The following NFIC variants were observed in gnomAD, a reference collection of about 807,000 sequenced individuals.
NFIC encodes nuclear factor 1 C-type.
NFIC carries 12 observed loss-of-function variants against 54.4 expected under a neutral mutation model. The observed-to-expected ratio is 0.22, with a 90% CI of 0.14 to 0.36. The LOEUF is 0.36. Among genes scored for constraint, NFIC ranks in the 10% least tolerant of loss-of-function variants. The probability of loss-of-function intolerance (pLI) is 1.00; values close to 1 mark genes in which losing one functional copy is unlikely to be tolerated. For missense variants in NFIC, 575 were observed against 718.2 expected, an observed-to-expected ratio of 0.80 and a Z score of 2.28; for synonymous variants, 322 against 319.2, an observed-to-expected ratio of 1.01 and a Z score of -0.09.
At chr19:3,445,480 G>GC (rs2082361736) in intron 6 of NFIC, among the ~76,000 whole-genome samples, 1 of 152,140 alleles carries the variant, frequency 6.6e-6, no homozygotes, top group Non-Finnish European at 1.5e-5. Context: ...CATCCTTCCT[G>GC]CCCCCCATGT....
rs566104836 is a variant in NFIC at position 3,457,729 on chromosome 19, A to G, written c.1509+1094A>G. ...GCCACTGAGGGAGGTTTCCTGCTGC[A>G]GAGCCCACGGGCAAGGGTCACGGGG... On this transcript the variant is annotated intron_variant, in intron 10 of 10. Coordinates refer to ENST00000443272, the MANE Select transcript of NFIC (RefSeq NM_001245002.2). 5.9e-5 allele frequency among the ~76,000 whole-genome samples: 9 copies of G among 152,250 alleles called. No individual in the cohort carries two copies. The East Asian group carries it at 1.7e-3, about 29-fold the overall frequency.
At chr19:3,425,225 G>A in intron 3 of NFIC, 48 bp downstream of exon 3, 1 of 1,545,758 alleles carries the variant, frequency 6.5e-7, no homozygotes, top group Non-Finnish European at 8.8e-7. Context: ...GCGCAGCCCT[G>A]TCCTCGTCTT....
intron 1 of NFIC, among the ~76,000 whole-genome samples, chr19:3,361,159 G>A (rs1378035965): frequency 6.6e-6 from 1 of 152,202 alleles, no homozygotes; most frequent in African/African-American, 2.4e-5. Flanking sequence ...GTTCGGGCGC[G>A]AGGTGGCGCC....
chr19:3,364,651 G>A, upstream of NFIC, among the ~76,000 whole-genome samples: 1 of 152,122 alleles, frequency 6.6e-6, no homozygotes, highest in East Asian at 1.9e-4. Context: ...TTTTACAGAT[G>A]AGGAAACCGA....
chr19:3,374,987 T>C (rs2081080422), intron 1 of NFIC, among the ~76,000 whole-genome samples: 3 of 151,828 alleles, frequency 2.0e-5, no homozygotes, highest in African/African-American at 7.3e-5. Flanking sequence ...CCCTGGCACC[T>C]GTCCCCGGAA....
chr19:3,424,081 G>C lies in NFIC; in HGVS notation c.563-1025G>C, dbSNP rs1599662398. 2.6e-5 allele frequency among the ~76,000 whole-genome samples: 4 copies of C among 152,202 alleles called. No individual in the cohort carries two copies. In the South Asian group the frequency reaches 8.3e-4, roughly 32 times the overall value. On this transcript the variant is annotated intron_variant, in intron 2 of 10. Transcript: ENST00000443272. ...TTGCTCTTGTCGCCCAGACTGGAGT[G>C]CAGAGGCATGATCTCCACTTGCTGC... is the stretch of plus-strand genomic sequence containing the variant.
At chr19:3,405,444 C>T (rs1298343535) in intron 2 of NFIC, among the ~76,000 whole-genome samples, 2 of 152,120 alleles carry the variant, frequency 1.3e-5, no homozygotes, top group Non-Finnish European at 2.9e-5. Flanking sequence ...TGTGGAGGCT[C>T]AGAGAGGGAG....
At chr19:3,434,212 C>G in intron 4 of NFIC, 65 bp from the exon 5 acceptor site, 1 of 1,554,894 alleles carries the variant, frequency 6.4e-7, no homozygotes, top group East Asian at 2.3e-5. Flanking sequence ...TTCCCTACCT[C>G]TCTAAAGCAA....
At chr19:3,422,634 G>A (rs1031624664) in intron 2 of NFIC, among the ~76,000 whole-genome samples, 4 of 151,512 alleles carry the variant, frequency 2.6e-5, no homozygotes, top group Admixed American at 6.6e-5. Flanking sequence ...GGAGAATGGC[G>A]TGAACCCAGG....
intron 2 of NFIC, among the ~76,000 whole-genome samples, chr19:3,392,074 T>TC (rs1366627043): frequency 6.9e-6 from 1 of 144,162 alleles, no homozygotes; most frequent in East Asian, 2.0e-4. Context: ...GCTCTTTTTT[T>TC]TTTTTTTTTT....
chr19:3,364,406 G>C (rs539505306), upstream of NFIC, among the ~76,000 whole-genome samples: 83 of 152,334 alleles, frequency 5.4e-4, no homozygotes, highest in African/African-American at 1.9e-3. Context: ...CGAAGCTGCT[G>C]ACTGGAGGAG....
chr19:3,453,994 G>T lies in NFIC; in HGVS notation c.1423+78G>T, dbSNP rs2082511831. On this transcript the variant is annotated intron_variant, in intron 9 of 10. Coordinates refer to ENST00000443272, the MANE Select transcript of NFIC (RefSeq NM_001245002.2). This position sits in a 1 kb window ranked among gnomAD's most constrained non-coding sequence, Gnocchi z 6.7. ...TGTCCCCTCCCCAGCCCCACTGCCA[G>T]GTCAGAGGTCAGGCCCGACCCTGCA... The T allele has an allele frequency of 1.4e-6, 2 of 1,424,080 alleles. No individual in the cohort carries two copies. Among genetic ancestry groups the T allele is most frequent in the Non-Finnish European group, 1.8e-6 (2 of 1,097,922 alleles). 88.2% of individuals were successfully genotyped at this position (1,424,080 alleles called of 1,614,324 possible). A position where few individuals can be genotyped will look rare whatever the true frequency, so the allele number is the denominator to read the frequency against.
Position 3,465,291 on chromosome 19 carries a change from C to T in NFIC, c.*2522C>T, listed in dbSNP as rs1314486921. On this transcript the variant is annotated 3_prime_UTR_variant, in exon 11 of 11. Transcript: ENST00000443272. ...ATTACCTTTAAACAATATCAGCGCA[C>T]ACACATAGCTGCATGTTCTGCTCGT... 1.4e-5 allele frequency: 2 copies of T among 145,778 alleles called. No homozygotes were observed. The highest frequency in any genetic ancestry group is 3.0e-5 in the Non-Finnish European group (2 of 66,834). The allele number at this position is 145,778 out of a possible 1,614,324, so 9.0% of individuals were successfully genotyped here.
In NFIC at chr19:3,464,525, G is replaced by GGGGC; in HGVS notation, c.*1757_*1758insGGCG. ...AGCTCAAACACAAGGACCCCTCCCC[G>GGGGC]GCCCACCCAGCCCAGCCCCAACTGA... On this transcript the variant is annotated 3_prime_UTR_variant, in exon 11 of 11. Transcript: ENST00000443272. The GGGGC allele has an allele frequency of 2.7e-6, 1 of 373,446 alleles. No individual in the cohort carries two copies. The highest frequency in any genetic ancestry group is 3.2e-6 in the Non-Finnish European group (1 of 308,210). The allele number at this position is 373,446 out of a possible 1,614,324, so 23.1% of individuals were successfully genotyped here. A position where few individuals can be genotyped will look rare whatever the true frequency, so the allele number is the denominator to read the frequency against.
chr19:3,450,186 A>ATCCG (rs2082438374), intron 7 of NFIC, among the ~76,000 whole-genome samples: 1 of 151,430 alleles, frequency 6.6e-6, no homozygotes, highest in Admixed American at 6.6e-5. Flanking sequence ...TCTACTAAAA[A>ATCCG]TACAAAAAAT....
intron 10 of NFIC, 130 bp from the exon 11 acceptor site, chr19:3,462,622 G>A: frequency 1.9e-6 from 2 of 1,032,284 alleles, no homozygotes; most frequent in Non-Finnish European, 2.9e-6. Context: ...TGGGGAAACT[G>A]AGGTCACAGG....
chr19:3,425,266 C>G, intron 3 of NFIC, 89 bp downstream of exon 3: 2 of 1,414,674 alleles, frequency 1.4e-6, no homozygotes, highest in Non-Finnish European at 1.9e-6. Flanking sequence ...TGGCACCACT[C>G]GTTTTACAGA....
chr19:3,369,249 G>T lies in NFIC; in HGVS notation c.30+2583G>T, dbSNP rs1031755881. On this transcript the variant is annotated intron_variant, in intron 1 of 10. Transcript: ENST00000443272. The surrounding 1 kb of genome is among the most constrained non-coding windows in gnomAD (Gnocchi z 4.3). ...CTCTGCCCCCTTCCTCTCTGTCTCTGTTTCTCTCCAATATGTCTGTCTGTC... is the reference window on the plus strand; with the variant it reads ...CTCTGCCCCCTTCCTCTCTGTCTCTTTTTCTCTCCAATATGTCTGTCTGTC... 6.6e-6 allele frequency among the ~76,000 whole-genome samples: 1 copy of T among 151,262 alleles called. No individual in the cohort carries two copies. The highest frequency in any genetic ancestry group is 2.4e-5 in the African/African-American group (1 of 41,060).
At chr19:3,449,746 TAAGATTCCATCTCAAAAAAAAAAA>T (rs979710865) in intron 7 of NFIC, among the ~76,000 whole-genome samples, 2 of 108,768 alleles carry the variant, frequency 1.8e-5, no homozygotes, top group African/African-American at 7.8e-5. Flanking sequence ...GGCAACAGAG[TAAGATTCCATCTCAAAAAAAAAAA>T]AAAAAGCTAG....
Sources: allele counts gnomAD v4.1 joint callset (sites outside exome capture counted in the v4.1 genomes callset), GRCh38; gene constraint gnomAD v4.1.1; non-coding constraint Gnocchi (gnomAD v3.1); transcripts MANE v1.5; gene names NCBI Gene and HGNC (gene_info 2026-07-23, HGNC 2026-07-21).